The following NLGN4Y variants were observed in gnomAD, a reference collection of about 807,000 sequenced individuals.
NLGN4Y encodes the protein neuroligin 4 Y-linked.
A neutral mutation model predicts 8.4 loss-of-function variants in NLGN4Y; 4 were observed. The observed-to-expected ratio is 0.48, with a 90% confidence interval of 0.23 to 1.09. The LOEUF (loss-of-function observed/expected upper bound fraction) is 1.09. NLGN4Y is among the 50% of genes least tolerant of loss of function. The pLI, the probability that NLGN4Y is intolerant of heterozygous loss-of-function variation, is 0.19. For synonymous variants in NLGN4Y, 35 were observed against 75.6 expected (o/e 0.46, Z 2.78); for missense variants, 90 against 192.3 (o/e 0.47, Z 3.15).
intron 2 of NLGN4Y, among the ~76,000 whole-genome samples, chrY:14,706,867 C>A (rs2080880867): frequency 1.7e-4 from 3 of 17,801 alleles, no homozygotes; most frequent in Non-Finnish European, 3.7e-4. Flanking sequence ...ATATTGATTG[C>A]GTGTGATGTG....
At chrY:14,549,412 G>A (rs946920010) in intron 1 of NLGN4Y, among the ~76,000 whole-genome samples, 3 of 32,765 alleles carry the variant, frequency 9.2e-5, no homozygotes, top group Non-Finnish European at 1.5e-4. Context: ...TCATCAACAA[G>A]TGTCCACTGT....
intron 4 of NLGN4Y, among the ~76,000 whole-genome samples, chrY:14,820,319 T>C (rs2043118213): frequency 3.0e-5 from 1 of 33,102 alleles, no homozygotes; most frequent in African/African-American, 1.2e-4. Context: ...ATTGGGACCT[T>C]ATCCTTGTCC....
chrY:14,527,741 A>C, intron 1 of NLGN4Y, among the ~76,000 whole-genome samples: 1 of 33,836 alleles, frequency 3.0e-5, no homozygotes, highest in Non-Finnish European at 7.3e-5. Context: ...AGCCCAGGCC[A>C]TTGAGGCAAT....
intron 2 of NLGN4Y, among the ~76,000 whole-genome samples, chrY:14,660,575 T>C (rs771253095): frequency 2.0e-4 from 6 of 29,979 alleles, no homozygotes; most frequent in Non-Finnish European, 4.0e-4. Flanking sequence ...TTTTTTTTCT[T>C]TTTGTAGAGA....
intron 1 of NLGN4Y, among the ~76,000 whole-genome samples, chrY:14,564,730 T>C: frequency 3.0e-5 from 1 of 33,508 alleles, no homozygotes; most frequent in Non-Finnish European, 7.4e-5. Context: ...CTCAAGTGGG[T>C]ATACTGACTG....
intron 4 of NLGN4Y, among the ~76,000 whole-genome samples, chrY:14,758,521 G>C (rs987607411): frequency 3.0e-5 from 1 of 33,845 alleles, no homozygotes; most frequent in Non-Finnish European, 7.3e-5. Context: ...GATGCTGCAA[G>C]AACCCTAACT....
intron 4 of NLGN4Y, among the ~76,000 whole-genome samples, chrY:14,764,330 C>A: frequency 3.0e-5 from 1 of 33,585 alleles, no homozygotes. Flanking sequence ...AAGGTTTTCT[C>A]TGCAGCCCTT....
At chrY:14,646,653 T>C in intron 2 of NLGN4Y, among the ~76,000 whole-genome samples, 1 of 33,730 alleles carries the variant, frequency 3.0e-5, no homozygotes, top group Non-Finnish European at 7.4e-5. Context: ...AATGTGAACA[T>C]TACTGAGGTA....
intron 2 of NLGN4Y, among the ~76,000 whole-genome samples, chrY:14,698,381 G>A: frequency 3.0e-5 from 1 of 33,210 alleles, no homozygotes; most frequent in Non-Finnish European, 7.4e-5. Context: ...CGTGTACATA[G>A]AGTTGTTGTA....
chrY:14,685,337 T>C, intron 2 of NLGN4Y, among the ~76,000 whole-genome samples: 1 of 33,410 alleles, frequency 3.0e-5, no homozygotes, highest in East Asian at 7.9e-4. Context: ...TGAATCAATA[T>C]AAATAGTATA....
intron 2 of NLGN4Y, among the ~76,000 whole-genome samples, chrY:14,709,872 C>A (rs2080894549): frequency 3.0e-5 from 1 of 32,792 alleles, no homozygotes; most frequent in Non-Finnish European, 7.5e-5. Flanking sequence ...ACTATACCAC[C>A]CAGATAAATA....
At chrY:14,691,169 G>T in intron 2 of NLGN4Y, among the ~76,000 whole-genome samples, 1 of 32,968 alleles carries the variant, frequency 3.0e-5, no homozygotes, top group Non-Finnish European at 7.5e-5. Context: ...ATCACATTTA[G>T]CGCCTTTCTG....
At chrY:14,678,069 A>G (rs748883548) in intron 2 of NLGN4Y, among the ~76,000 whole-genome samples, 1 of 33,322 alleles carries the variant, frequency 3.0e-5, no homozygotes, top group African/African-American at 1.2e-4. Flanking sequence ...TCTTTTTCAA[A>G]TAATACTTAA....
intron 4 of NLGN4Y, among the ~76,000 whole-genome samples, chrY:14,810,480 A>C: frequency 3.1e-5 from 1 of 31,794 alleles, no homozygotes; most frequent in Non-Finnish European, 7.7e-5. Flanking sequence ...AGTGGGCCGA[A>C]ATCATGGCAC....
chrY:14,652,671 T>C (rs2080633484), intron 2 of NLGN4Y, among the ~76,000 whole-genome samples: 3 of 32,837 alleles, frequency 9.1e-5, no homozygotes, highest in African/African-American at 2.4e-4. Context: ...TCAACTCTTT[T>C]TTCTCTATTT....
chrY:14,649,556 T>C, intron 2 of NLGN4Y, among the ~76,000 whole-genome samples: 1 of 33,230 alleles, frequency 3.0e-5, no homozygotes, highest in African/African-American at 1.2e-4. Context: ...TGACCTTCTA[T>C]GCATGGGTAA....
intron 4 of NLGN4Y, among the ~76,000 whole-genome samples, chrY:14,737,662 A>G (rs750052418): frequency 6.0e-5 from 2 of 33,220 alleles, no homozygotes; most frequent in Admixed American, 2.8e-4. Flanking sequence ...TGATTGGATC[A>G]TTACACATTG....
chrY:14,531,900 A>AT (rs2080116390), intron 1 of NLGN4Y, among the ~76,000 whole-genome samples: 1 of 31,690 alleles, frequency 3.2e-5, no homozygotes, highest in African/African-American at 1.2e-4. Context: ...ATAGACATGC[A>AT]TTTTCCAAAA....
intron 2 of NLGN4Y, among the ~76,000 whole-genome samples, chrY:14,637,860 T>TTTG (rs2080572023): frequency 3.8e-5 from 1 of 26,517 alleles, no homozygotes; most frequent in Non-Finnish European, 9.0e-5. Context: ...TTTTTTTTTT[T>TTTG]TGTGTGTGTG....
Sources: allele counts gnomAD v4.1 joint callset (sites outside exome capture counted in the v4.1 genomes callset), GRCh38; gene constraint gnomAD v4.1.1; transcripts MANE v1.5; gene names NCBI Gene and HGNC (gene_info 2026-07-23, HGNC 2026-07-21).